FAM135B: variants seen among roughly 807,000 people sequenced by gnomAD.
FAM135B encodes the protein protein FAM135B.
A neutral mutation model predicts 127.7 loss-of-function variants in FAM135B; 43 were observed. The observed-to-expected ratio is 0.34, with a 90% confidence interval of 0.26 to 0.43. FAM135B has a LOEUF of 0.43. FAM135B is among the 20% of genes least tolerant of loss of function. The pLI is 1.00. For missense variants in FAM135B, 1,558 were observed against 1,725.6 expected, an observed-to-expected ratio of 0.90 and a Z score of 1.72; for synonymous variants, 670 against 665.1, an observed-to-expected ratio of 1.01 and a Z score of -0.11.
At chr8:138,406,714 T>A (rs1430081543) in intron 1 of FAM135B, among the ~76,000 whole-genome samples, 1 of 151,264 alleles carries the variant, frequency 6.6e-6, no homozygotes, top group Non-Finnish European at 1.5e-5. Flanking sequence ...CAACAACCGT[T>A]CATGCTAAAA....
At chr8:138,403,353 C>A (rs1242134364) in intron 1 of FAM135B, among the ~76,000 whole-genome samples, 2 of 152,004 alleles carry the variant, frequency 1.3e-5, no homozygotes, top group Non-Finnish European at 2.9e-5. Context: ...AGACCCATCA[C>A]CAACCTTGGA....
chr8:138,163,671 C>A (rs1248918322), intron 12 of FAM135B, among the ~76,000 whole-genome samples: 1 of 152,126 alleles, frequency 6.6e-6, no homozygotes, highest in Non-Finnish European at 1.5e-5. Context: ...GCCTCCCTAG[C>A]CACGTGGAAC....
At chr8:138,350,317 G>A (rs968913046) in intron 2 of FAM135B, among the ~76,000 whole-genome samples, 3 of 152,072 alleles carry the variant, frequency 2.0e-5, no homozygotes, top group Admixed American at 6.6e-5. Context: ...TCAAAAGGAG[G>A]CCAATAGACA....
intron 2 of FAM135B, among the ~76,000 whole-genome samples, chr8:138,317,788 A>T (rs907042097): frequency 6.6e-6 from 1 of 152,230 alleles, no homozygotes; most frequent in Non-Finnish European, 1.5e-5. Context: ...CTTTCGATGG[A>T]TATACGGGAC....
At chr8:138,309,877 T>C (rs918066323) in intron 3 of FAM135B, among the ~76,000 whole-genome samples, 1 of 146,034 alleles carries the variant, frequency 6.8e-6, no homozygotes, top group East Asian at 2.0e-4. Flanking sequence ...TTTTTTTTTT[T>C]TTTTTGGAGC....
At chr8:138,299,586 T>TACAC (rs200452928) in intron 3 of FAM135B, among the ~76,000 whole-genome samples, 5,613 of 142,914 alleles carry the variant, frequency 0.039, 214 homozygotes, top group East Asian at 0.27. Flanking sequence ...CATACACACA[T>TACAC]ACACACACAC....
At chr8:138,264,043 A>G (rs1294272424) in intron 4 of FAM135B, among the ~76,000 whole-genome samples, 1 of 152,160 alleles carries the variant, frequency 6.6e-6, no homozygotes, top group East Asian at 1.9e-4. Context: ...TCCCTGCTCC[A>G]TCTTCATCTC....
intron 1 of FAM135B, among the ~76,000 whole-genome samples, chr8:138,495,002 T>C (rs1368248930): frequency 1.3e-5 from 2 of 152,158 alleles, no homozygotes; most frequent in East Asian, 3.8e-4. Flanking sequence ...TTGCCCTGAG[T>C]GAATCTTGGA....
At chr8:138,185,590 C>A (rs1815475145) in intron 9 of FAM135B, among the ~76,000 whole-genome samples, 1 of 152,210 alleles carries the variant, frequency 6.6e-6, no homozygotes, top group Admixed American at 6.5e-5. Flanking sequence ...CAGTCAGAAG[C>A]TGCTCACTGA....
At chr8:138,458,784 G>T (rs1029737159) in intron 1 of FAM135B, among the ~76,000 whole-genome samples, 9 of 152,158 alleles carry the variant, frequency 5.9e-5, no homozygotes, top group Non-Finnish European at 1.2e-4. Context: ...TACAAAAAAC[G>T]TACGCTGACC....
At chr8:138,327,980 G>A (rs1827922839) in intron 2 of FAM135B, among the ~76,000 whole-genome samples, 1 of 151,982 alleles carries the variant, frequency 6.6e-6, no homozygotes, top group South Asian at 2.1e-4. Flanking sequence ...CAGCAAAATG[G>A]CTGGAGCAAA....
intron 12 of FAM135B, among the ~76,000 whole-genome samples, chr8:138,163,294 T>C (rs1819576106): frequency 6.6e-6 from 1 of 152,142 alleles, no homozygotes; most frequent in Non-Finnish European, 1.5e-5. Flanking sequence ...TCTTCAGGCT[T>C]TAGGCGAACC....
chr8:138,485,855 C>T (rs550363450), intron 1 of FAM135B, among the ~76,000 whole-genome samples: 1 of 152,146 alleles, frequency 6.6e-6, no homozygotes, highest in Non-Finnish European at 1.5e-5. Flanking sequence ...GAGACGAGGC[C>T]ATGTTCGACA....
At chr8:138,485,457 G>C (rs142438531) in intron 1 of FAM135B, among the ~76,000 whole-genome samples, 86 of 152,278 alleles carry the variant, frequency 5.6e-4, no homozygotes, top group African/African-American at 2.0e-3. Flanking sequence ...ACACAGATCA[G>C]CCTTTAGTCA....
chr8:138,147,275 C>T (rs981545418), intron 14 of FAM135B, among the ~76,000 whole-genome samples: 1 of 129,892 alleles, frequency 7.7e-6, no homozygotes, highest in Non-Finnish European at 1.7e-5. Flanking sequence ...CAGGGCCTGC[C>T]TTAGGAAAAA....
chr8:138,432,554 G>T (rs1416062277), intron 1 of FAM135B, among the ~76,000 whole-genome samples: 2 of 151,752 alleles, frequency 1.3e-5, no homozygotes, highest in Non-Finnish European at 2.9e-5. Flanking sequence ...TTGATATATA[G>T]AGAGAGTTAT....
At chr8:138,164,536 T>C (rs539708602) in intron 12 of FAM135B, among the ~76,000 whole-genome samples, 8 of 152,324 alleles carry the variant, frequency 5.3e-5, no homozygotes, top group African/African-American at 1.9e-4. Flanking sequence ...CTGCCTCCCA[T>C]TCTATTCAAA....
intron 10 of FAM135B, among the ~76,000 whole-genome samples, chr8:138,178,001 C>T (rs10095349): frequency 0.38 from 58,276 of 151,584 alleles, 11,685 homozygotes; most frequent in African/African-American, 0.51. Flanking sequence ...TCCCAGCACT[C>T]TGGGAGGCTG....
At chr8:138,450,445 T>G (rs1372433890) in intron 1 of FAM135B, 2 of 152,208 alleles carry the variant, frequency 1.3e-5, no homozygotes, top group Admixed American at 6.5e-5. Flanking sequence ...AGGGATTATA[T>G]CATTTTGCAT....
Sources: allele counts gnomAD v4.1 joint callset (sites outside exome capture counted in the v4.1 genomes callset), GRCh38; gene constraint gnomAD v4.1.1; transcripts MANE v1.5; gene names NCBI Gene and HGNC (gene_info 2026-07-23, HGNC 2026-07-21).